The following LRIG1 variants were observed in gnomAD, a reference collection of about 807,000 sequenced individuals.
The protein encoded by LRIG1 is leucine rich repeats and immunoglobulin like domains 1, also known as leucine-rich repeats and immunoglobulin-like domains protein 1.
A neutral mutation model predicts 99.2 loss-of-function variants in LRIG1; 48 were observed. That is an observed-to-expected ratio of 0.48 (90% CI 0.38 to 0.62). The LOEUF (loss-of-function observed/expected upper bound fraction) is 0.62. Among genes scored for constraint, LRIG1 ranks in the 20% least tolerant of loss-of-function variants. The pLI is 0.00. For synonymous variants in LRIG1, 772 were observed against 596.1 expected, an observed-to-expected ratio of 1.29 and a Z score of -4.30; for missense variants, 1,646 against 1,434.4, an observed-to-expected ratio of 1.15 and a Z score of -2.38.
intron 2 of LRIG1, among the ~76,000 whole-genome samples, chr3:66,456,992 T>C (rs1700241409): frequency 6.6e-6 from 1 of 152,214 alleles, no homozygotes; most frequent in Admixed American, 6.5e-5. Context: ...ACCGTGTGGC[T>C]TGGACGCAGC....
intron 7 of LRIG1, among the ~76,000 whole-genome samples, chr3:66,408,964 T>TG (rs1424793540): frequency 3.5e-4 from 6 of 17,312 alleles, no homozygotes; most frequent in African/African-American, 5.3e-4. Flanking sequence ...GTGTGTGTGG[T>TG]GGGGGGAGGG....
At chr3:66,456,345 G>C (rs1700220183) in intron 2 of LRIG1, among the ~76,000 whole-genome samples, 2 of 152,158 alleles carry the variant, frequency 1.3e-5, no homozygotes, top group African/African-American at 4.8e-5. Context: ...CCTTTGGGAG[G>C]CCAAGGCAGG....
intron 11 of LRIG1, among the ~76,000 whole-genome samples, chr3:66,397,786 G>C (rs1281031287): frequency 6.6e-6 from 1 of 152,226 alleles, no homozygotes; most frequent in Non-Finnish European, 1.5e-5. Flanking sequence ...ATAATTGAAG[G>C]GGTGATTATC....
At chr3:66,386,387 C>G (rs1006405493) in intron 12 of LRIG1, 86 bp from the exon 13 acceptor site, 4 of 1,159,892 alleles carry the variant, frequency 3.4e-6, no homozygotes, top group African/African-American at 3.1e-5. Context: ...GAAACTGACA[C>G]AGACACCAAG....
At chr3:66,491,316 T>A (rs1212714821) in intron 1 of LRIG1, among the ~76,000 whole-genome samples, 2 of 152,254 alleles carry the variant, frequency 1.3e-5, no homozygotes, top group African/African-American at 4.8e-5. Flanking sequence ...TTTCTAATTA[T>A]GTTTGTTCAC....
intron 9 of LRIG1, chr3:66,404,456 A>G: frequency 8.7e-7 from 1 of 1,146,648 alleles, no homozygotes; most frequent in Non-Finnish European, 1.1e-6. Context: ...CATCTGCAGA[A>G]AGTGCTGGTT....
intron 3 of LRIG1, among the ~76,000 whole-genome samples, chr3:66,435,903 G>A (rs745536971): frequency 3.0e-4 from 45 of 152,180 alleles, no homozygotes; most frequent in African/African-American, 9.9e-4. Context: ...GGAGTTCCCA[G>A]TGGAATCAGC....
At chr3:66,452,707 A>G (rs1032709077) in intron 2 of LRIG1, among the ~76,000 whole-genome samples, 2 of 152,158 alleles carry the variant, frequency 1.3e-5, no homozygotes, top group Non-Finnish European at 2.9e-5. Flanking sequence ...TGAAGAGAAT[A>G]ATCTGGTTGT....
chr3:66,456,151 C>T (rs1370153546), intron 2 of LRIG1, among the ~76,000 whole-genome samples: 1 of 152,220 alleles, frequency 6.6e-6, no homozygotes, highest in Non-Finnish European at 1.5e-5. Context: ...TGTCACTCAG[C>T]CTTGCTGTCC....
At chr3:66,387,269 GGATC>G (rs1374472255) in intron 12 of LRIG1, 1 of 151,840 alleles carries the variant, frequency 6.6e-6, no homozygotes. Flanking sequence ...ACATTCCTGG[GGATC>G]TAGACAGCCA....
chr3:66,431,504 G>A (rs1703171269), intron 3 of LRIG1, among the ~76,000 whole-genome samples: 1 of 152,192 alleles, frequency 6.6e-6, no homozygotes, highest in African/African-American at 2.4e-5. Flanking sequence ...ACTAGGGTGA[G>A]GTGGGAAGTC....
chr3:66,450,415 T>C (rs1426061032), intron 3 of LRIG1, among the ~76,000 whole-genome samples: 1 of 152,130 alleles, frequency 6.6e-6, no homozygotes, highest in African/African-American at 2.4e-5. Flanking sequence ...AAATGCATTA[T>C]GTAAATGAGG....
chr3:66,469,721 A>C (rs916674276), intron 1 of LRIG1, among the ~76,000 whole-genome samples: 4 of 152,152 alleles, frequency 2.6e-5, no homozygotes, highest in Non-Finnish European at 4.4e-5. Flanking sequence ...ACTGATAACA[A>C]ATTAGGATAA....
At chr3:66,398,825 A>G in intron 10 of LRIG1, 145 bp downstream of exon 10, 3 of 676,446 alleles carry the variant, frequency 4.4e-6, no homozygotes, top group Non-Finnish European at 7.7e-6. Flanking sequence ...CCAAAGCTGA[A>G]GCTGACATAA....
chr3:66,399,102 G>A, intron 9 of LRIG1, 61 bp from the exon 10 acceptor site: 3 of 1,346,454 alleles, frequency 2.2e-6, no homozygotes, highest in Non-Finnish European at 3.2e-6. Context: ...AGGAAGGGTT[G>A]AGAGAAAGAA....
intron 3 of LRIG1, among the ~76,000 whole-genome samples, chr3:66,429,974 T>G (rs778647992): frequency 2.6e-5 from 4 of 152,198 alleles, no homozygotes; most frequent in African/African-American, 9.7e-5. Context: ...GGGTAGAATA[T>G]AAACCGCACA....
intron 15 of LRIG1, 127 bp from the exon 16 acceptor site, chr3:66,382,525 C>A: frequency 9.4e-7 from 1 of 1,066,108 alleles, no homozygotes; most frequent in Non-Finnish European, 1.4e-6. Flanking sequence ...AGAGAGATGA[C>A]ATGGAGTCCA....
intron 9 of LRIG1, chr3:66,404,344 G>C: frequency 7.8e-6 from 10 of 1,286,580 alleles, no homozygotes; most frequent in Non-Finnish European, 1.0e-5. Flanking sequence ...GGAATCGAGC[G>C]GCAGCCGTCC....
rs1400128229 is a variant in LRIG1, at chr3:66,460,473, G to T, written c.290+1965C>A. Among the ~76,000 whole-genome samples, 7 of 152,294 alleles carry T rather than the reference G, an allele frequency of 4.6e-5. No individual in the cohort carries two copies. The East Asian group carries it at 7.7e-4, about 17-fold the overall frequency. On this transcript the variant is annotated intron_variant, in intron 2 of 18. Transcript: ENST00000273261. The stretch of plus-strand genomic sequence containing the variant: ...ACCTCAGCATGTGACTGCATTTGGA[G>T]ATGGGGCCTTTGAAGAGGTGATGGG...
Sources: allele counts gnomAD v4.1 joint callset (sites outside exome capture counted in the v4.1 genomes callset), GRCh38; gene constraint gnomAD v4.1.1; transcripts MANE v1.5; gene names NCBI Gene and HGNC (gene_info 2026-07-23, HGNC 2026-07-21).